The following KCTD16 variants were observed in gnomAD, a reference collection of about 807,000 sequenced individuals.
The protein encoded by KCTD16 is potassium channel tetramerization domain containing 16.
A neutral mutation model predicts 33.2 loss-of-function variants in KCTD16; 13 were observed. That is an observed-to-expected ratio of 0.39 (90% CI 0.25 to 0.62). The LOEUF is 0.62. KCTD16 is among the 20% of genes least tolerant of loss of function. The pLI is 0.50. For missense variants in KCTD16, 441 were observed against 525.1 expected, an observed-to-expected ratio of 0.84 and a Z score of 1.57; for synonymous variants, 197 against 195.3, an observed-to-expected ratio of 1.01 and a Z score of -0.07.
intron 3 of KCTD16, among the ~76,000 whole-genome samples, chr5:144,328,428 C>T (rs901060895): frequency 6.6e-6 from 1 of 152,132 alleles, no homozygotes; most frequent in Non-Finnish European, 1.5e-5. Context: ...TCGGAGTAGG[C>T]CTTCCCCTGA....
At chr5:144,441,823 T>C (rs1753716622) in intron 3 of KCTD16, among the ~76,000 whole-genome samples, 1 of 150,576 alleles carries the variant, frequency 6.6e-6, no homozygotes, top group Admixed American at 6.6e-5. Context: ...CTTCCATTTC[T>C]ATATAAATGT....
At chr5:144,369,859 AT>A (rs1329337081) in intron 3 of KCTD16, among the ~76,000 whole-genome samples, 1 of 152,194 alleles carries the variant, frequency 6.6e-6, no homozygotes, top group Non-Finnish European at 1.5e-5. Context: ...ATAGTTATGT[AT>A]TTTTAATAGG....
chr5:144,399,356 G>C (rs768175429), intron 3 of KCTD16, among the ~76,000 whole-genome samples: 1 of 151,220 alleles, frequency 6.6e-6, no homozygotes, highest in Admixed American at 6.6e-5. Flanking sequence ...TAGAATCTAG[G>C]GTTAGTGCAA....
intron 3 of KCTD16, among the ~76,000 whole-genome samples, chr5:144,393,605 A>G (rs933669224): frequency 6.6e-6 from 1 of 152,096 alleles, no homozygotes; most frequent in East Asian, 1.9e-4. Flanking sequence ...ATATACATAT[A>G]TGTACTTAAG....
At position 144,259,695 on chromosome 5, in the gene KCTD16, T is replaced by C. The variant is rs554972489; in HGVS notation, c.832+52149T>C. 3.5e-4 allele frequency among the ~76,000 whole-genome samples: 54 copies of C among 152,354 alleles called. 3 individuals carry two copies. The South Asian group carries it at 0.011, about 31-fold the overall frequency. Reference sequence around the variant, plus strand: ...TGGATGCTCAGGAAATGTTTGATGTTGGCTGACTAGGTGATGGTGATGATA... The same window carrying C: ...TGGATGCTCAGGAAATGTTTGATGTCGGCTGACTAGGTGATGGTGATGATA... On this transcript the variant is annotated intron_variant, in intron 3 of 3. Coordinates refer to ENST00000512467, the MANE Select transcript of KCTD16 (RefSeq NM_020768.4).
chr5:144,298,126 C>T (rs1355725689), intron 3 of KCTD16, among the ~76,000 whole-genome samples: 2 of 152,178 alleles, frequency 1.3e-5, no homozygotes, highest in Non-Finnish European at 2.9e-5. Flanking sequence ...ACACTAGTCA[C>T]TGGGTTCCAC....
At chr5:144,180,000 G>A (rs1164955897) in intron 2 of KCTD16, among the ~76,000 whole-genome samples, 1 of 152,176 alleles carries the variant, frequency 6.6e-6, no homozygotes, top group Non-Finnish European at 1.5e-5. Context: ...CCTCTGCCTG[G>A]AGAAATGCTC....
intron 3 of KCTD16, among the ~76,000 whole-genome samples, chr5:144,222,546 C>T (rs1753791473): frequency 6.6e-6 from 1 of 152,134 alleles, no homozygotes; most frequent in African/African-American, 2.4e-5. Context: ...AAAAAATGCT[C>T]ATCATTGCTG....
chr5:144,225,911 T>C (rs1753916862), intron 3 of KCTD16, among the ~76,000 whole-genome samples: 1 of 152,234 alleles, frequency 6.6e-6, no homozygotes, highest in Admixed American at 6.5e-5. Flanking sequence ...CTAGCTATTA[T>C]AGCAGCAAGC....
At chr5:144,364,552 A>G (rs1751789966) in intron 3 of KCTD16, among the ~76,000 whole-genome samples, 1 of 152,232 alleles carries the variant, frequency 6.6e-6, no homozygotes, top group East Asian at 1.9e-4. Context: ...ATTAATGTGT[A>G]ACTACATAGT....
chr5:144,441,315 A>G (rs913390431), intron 3 of KCTD16, among the ~76,000 whole-genome samples: 2 of 152,096 alleles, frequency 1.3e-5, no homozygotes, highest in Non-Finnish European at 2.9e-5. Flanking sequence ...TTAGTGCCAT[A>G]TCTAATAAAC....
intron 2 of KCTD16, among the ~76,000 whole-genome samples, chr5:144,198,328 G>C (rs1752975391): frequency 6.6e-6 from 1 of 152,078 alleles, no homozygotes; most frequent in Non-Finnish European, 1.5e-5. Flanking sequence ...AGGGTACCAA[G>C]AATGAAAAAT....
intron 3 of KCTD16, among the ~76,000 whole-genome samples, chr5:144,360,083 T>C (rs1751670885): frequency 6.6e-6 from 1 of 152,172 alleles, no homozygotes; most frequent in Non-Finnish European, 1.5e-5. Flanking sequence ...ATAAAAAGCG[T>C]GACCATCATT....
chr5:144,292,153 A>G (rs115210823), intron 3 of KCTD16, among the ~76,000 whole-genome samples: 2,815 of 152,368 alleles, frequency 0.018, 94 homozygotes, highest in African/African-American at 0.065. Context: ...GCACAAAAAT[A>G]CTTAAGAGCA....
At chr5:144,461,605 T>G (rs75636238) in intron 3 of KCTD16, among the ~76,000 whole-genome samples, 1 of 152,154 alleles carries the variant, frequency 6.6e-6, no homozygotes, top group Non-Finnish European at 1.5e-5. Flanking sequence ...TCCGTCCTTA[T>G]AGCAATTCAA....
intron 1 of KCTD16, among the ~76,000 whole-genome samples, chr5:144,173,669 A>G (rs573709454): frequency 4.6e-5 from 7 of 152,352 alleles, no homozygotes; most frequent in African/African-American, 1.7e-4. Context: ...TATAGATATT[A>G]TTCAAATTCT....
chr5:144,411,592 C>A (rs1048908748), intron 3 of KCTD16, among the ~76,000 whole-genome samples: 1 of 152,144 alleles, frequency 6.6e-6, no homozygotes, highest in African/African-American at 2.4e-5. Context: ...TAGAGAAAAA[C>A]CTAGAAGAAA....
intron 3 of KCTD16, among the ~76,000 whole-genome samples, chr5:144,425,256 T>A (rs79127898): frequency 6.6e-6 from 1 of 152,134 alleles, no homozygotes; most frequent in African/African-American, 2.4e-5. Flanking sequence ...ACTCAAGAAA[T>A]CTAAAGCTAG....
At position 144,322,987 on chromosome 5, in the gene KCTD16, A is replaced by T. The variant is rs566620279; in HGVS notation, c.832+115441A>T. On this transcript the variant is annotated intron_variant, in intron 3 of 3. Transcript: ENST00000512467. ...ATAATGAACTCCTATGGGCCCATTGATCCATTGGTCAATTCTTCTTCATTC... is the reference window on the plus strand; with the variant it reads ...ATAATGAACTCCTATGGGCCCATTGTTCCATTGGTCAATTCTTCTTCATTC... Among the ~76,000 whole-genome samples the T allele has an allele frequency of 8.5e-5, 13 of 152,236 alleles. No individual in the cohort carries two copies. The East Asian group carries it at 2.5e-3, about 29-fold the overall frequency.
Sources: allele counts gnomAD v4.1 joint callset (sites outside exome capture counted in the v4.1 genomes callset), GRCh38; gene constraint gnomAD v4.1.1; transcripts MANE v1.5; gene names NCBI Gene and HGNC (gene_info 2026-07-23, HGNC 2026-07-21).